Variants in MYRFL observed in about 807,000 individuals in gnomAD.
MYRFL encodes the protein myelin regulatory factor-like protein.
Under a neutral mutation model 109.4 loss-of-function variants are expected in MYRFL, and 88 were observed. The observed-to-expected ratio is 0.80, with a 90% CI of 0.68 to 0.96. The LOEUF is 0.96. Ranked by LOEUF, MYRFL falls within the 40% of genes least tolerant of loss-of-function variation. The pLI, the probability that MYRFL is intolerant of heterozygous loss-of-function variation, is 0.00. For missense variants in MYRFL, 957 were observed against 954.9 expected, an observed-to-expected ratio of 1.00 and a Z score of -0.03; for synonymous variants, 324 against 320.9, an observed-to-expected ratio of 1.01 and a Z score of -0.10.
At chr12:69,936,958 G>A (rs1031873463) in intron 19 of MYRFL, among the ~76,000 whole-genome samples, 1 of 152,144 alleles carries the variant, frequency 6.6e-6, no homozygotes, top group Non-Finnish European at 1.5e-5. Context: ...GGCTCATTTA[G>A]AGTTTAAAAA....
intron 5 of MYRFL, among the ~76,000 whole-genome samples, chr12:69,884,733 G>T (rs1346950200): frequency 6.6e-6 from 1 of 152,196 alleles, no homozygotes; most frequent in Non-Finnish European, 1.5e-5. Flanking sequence ...GTTGAAACAA[G>T]TACAGTGATA....
In MYRFL at chr12:69,825,408, T is replaced by C. The variant is rs1008165423; in HGVS notation, c.-110T>C. On this transcript the variant is annotated 5_prime_UTR_variant, in exon 1 of 25. An upstream start codon of the reference 5' UTR is lost. Coordinates refer to ENST00000552032, the MANE Select transcript of MYRFL (RefSeq NM_182530.3). ...ATGCTTCACTCCAATAAAAAGAAAA[T>C]GAAGATTTTTCAAGAGCATTCGTAG... 23 of 689,922 alleles carry C rather than the reference T, an allele frequency of 3.3e-5. No individual in the cohort carries two copies. In the African/African-American group the frequency reaches 3.9e-4, roughly 12 times the overall value. The allele number at this position is 689,922 out of a possible 1,614,324, so 42.7% of individuals were successfully genotyped here.
rs760919500 is a variant in MYRFL at position 69,880,236 on chromosome 12, C to T, written c.500C>T (p.Thr167Met). ...CCTCCAACCAAGAAGAGAAAGTGCA[C>T]GCAGGCACTGGAGGACTCCGGGGAA... The part of the protein sequence containing the change: ...SLPPTKKRKC[T>M]QALEDSGECR... Residue 167 changes from threonine to methionine, a missense_variant, in exon 5 of 25, where the codon ACG (threonine) becomes ATG (methionine). Transcript: ENST00000552032. 2.4e-5 allele frequency: 17 copies of T among 702,552 alleles called. No homozygotes were observed. Among genetic ancestry groups the T allele is most frequent in the Non-Finnish European group, 3.4e-5 (13 of 384,794 alleles). The allele number at this position is 702,552 out of a possible 1,614,324, so 43.5% of individuals were successfully genotyped here.
At chr12:69,875,912 A>C (rs1397904832) in intron 2 of MYRFL, among the ~76,000 whole-genome samples, 1 of 152,152 alleles carries the variant, frequency 6.6e-6, no homozygotes, top group African/African-American at 2.4e-5. Flanking sequence ...ATCCCTCAGA[A>C]GAGTATACTT....
chr12:69,946,226 A>G (rs894383931), intron 19 of MYRFL, among the ~76,000 whole-genome samples: 2 of 152,102 alleles, frequency 1.3e-5, no homozygotes, highest in Non-Finnish European at 2.9e-5. Context: ...AATTTGCTCC[A>G]TGGTGCCAGG....
chr12:69,914,034 C>T (rs891973649), intron 13 of MYRFL, among the ~76,000 whole-genome samples: 3 of 152,078 alleles, frequency 2.0e-5, no homozygotes, highest in Admixed American at 6.6e-5. Context: ...AGTTAATTCA[C>T]AAGAGTCTTA....
intron 22 of MYRFL, among the ~76,000 whole-genome samples, chr12:69,956,954 C>T (rs187107220): frequency 1.3e-5 from 2 of 152,004 alleles, no homozygotes; most frequent in African/African-American, 4.8e-5. Context: ...ATGCTATATC[C>T]CCTGAAGTGG....
At chr12:69,938,085 G>A (rs1419493152) in intron 19 of MYRFL, among the ~76,000 whole-genome samples, 4 of 152,142 alleles carry the variant, frequency 2.6e-5, no homozygotes, top group Admixed American at 6.5e-5. Context: ...TTGAACTTAG[G>A]AGCAGATGCA....
intron 5 of MYRFL, among the ~76,000 whole-genome samples, chr12:69,883,174 C>T (rs1454560843): frequency 6.6e-6 from 1 of 152,186 alleles, no homozygotes; most frequent in Non-Finnish European, 1.5e-5. Flanking sequence ...CTCACCTCTT[C>T]CACTTAACAG....
In MYRFL at chr12:69,957,915, C is replaced by T. The variant is rs1329541584; in HGVS notation, c.2544C>T (p.His848=). 1.0e-5 allele frequency: 16 copies of T among 1,534,640 alleles called. No homozygotes were observed. The highest frequency in any genetic ancestry group is 1.3e-5 in the Non-Finnish European group (15 of 1,145,926). ...GGGGAACCAAAGGGCTGGAAAGCCA[C>T]AGAGAAATCTCCCAGGAGATGACAC... The part of the protein sequence containing the change: ...SKRGTKGLES[H]REISQEMTQG... The change falls in exon 23 of 25, where the codon CAC becomes CAT. Residue 848 remains histidine (H), a synonymous_variant. Coordinates refer to ENST00000552032, the MANE Select transcript of MYRFL (RefSeq NM_182530.3).
intron 13 of MYRFL, among the ~76,000 whole-genome samples, chr12:69,912,560 C>T (rs1182804713): frequency 6.6e-6 from 1 of 152,136 alleles, no homozygotes. Context: ...TAGAGCATTT[C>T]TTTCTTTTTT....
intron 19 of MYRFL, among the ~76,000 whole-genome samples, chr12:69,947,803 T>A (rs1224342276): frequency 6.6e-6 from 1 of 152,154 alleles, no homozygotes; most frequent in Non-Finnish European, 1.5e-5. Context: ...TTCTTCATAG[T>A]GCATGAGTCT....
intron 1 of MYRFL, among the ~76,000 whole-genome samples, chr12:69,847,172 G>A (rs1414651404): frequency 1.3e-5 from 2 of 152,106 alleles, no homozygotes. Context: ...TAAGACAAAG[G>A]CTTAGTCAGA....
At chr12:69,896,538 A>G (rs1187825490) in intron 9 of MYRFL, among the ~76,000 whole-genome samples, 1 of 152,208 alleles carries the variant, frequency 6.6e-6, no homozygotes, top group Non-Finnish European at 1.5e-5. Context: ...TATGAAGAGG[A>G]ATTGAAATAA....
At chr12:69,951,072 C>T (rs1402046587) in intron 19 of MYRFL, among the ~76,000 whole-genome samples, 2 of 152,108 alleles carry the variant, frequency 1.3e-5, no homozygotes, top group Admixed American at 1.3e-4. Context: ...GTAATATGCC[C>T]TTCAGTATGG....
At position 69,958,344 on chromosome 12, in the gene MYRFL, TC is replaced by T. The variant is rs1956140594; in HGVS notation, c.2646+22del. The T allele has an allele frequency of 2.0e-6, 3 of 1,532,814 alleles. No individual in the cohort carries two copies. The South Asian group carries it at 3.6e-5, about 18-fold the overall frequency. The allele number at this position is 1,532,814 out of a possible 1,614,324, so 95.0% of individuals were successfully genotyped here. ...CACCGGTAAGCTTGCTTTTTCTTTT[TC>T]TTTTCAGTGAGAAAGAAATTGAGCA... On this transcript the variant is annotated intron_variant, in intron 24 of 24. Coordinates refer to ENST00000552032, the MANE Select transcript of MYRFL (RefSeq NM_182530.3).
rs141587685 is a variant in MYRFL at position 69,926,926 on chromosome 12, G to A, written c.1766+192G>A. Among the ~76,000 whole-genome samples the A allele has an allele frequency of 3.4e-5, 2 of 58,684 alleles. 1 individual carries two copies. Among genetic ancestry groups the A allele is most frequent in the Non-Finnish European group, 7.8e-5 (2 of 25,788 alleles). The allele number at this position is 58,684 out of a possible 152,430, so 38.5% of individuals were successfully genotyped here. A position where few individuals can be genotyped will look rare whatever the true frequency, so the allele number is the denominator to read the frequency against. ...GTGATAACTTTCTTAGTTTTTTTCTGTTGCTGGTTTTTTTTTTTTTTTTTT... is the reference window on the plus strand; with the variant it reads ...GTGATAACTTTCTTAGTTTTTTTCTATTGCTGGTTTTTTTTTTTTTTTTTT... On this transcript the variant is annotated intron_variant, in intron 14 of 24. Transcript: ENST00000552032.
At chr12:69,847,428 A>G (rs1271562007) in intron 1 of MYRFL, among the ~76,000 whole-genome samples, 1 of 152,180 alleles carries the variant, frequency 6.6e-6, no homozygotes, top group Non-Finnish European at 1.5e-5. Context: ...TTACTCAGAG[A>G]TGAACTTCTT....
At chr12:69,852,158 G>A (rs976797488) in intron 1 of MYRFL, among the ~76,000 whole-genome samples, 1 of 152,150 alleles carries the variant, frequency 6.6e-6, no homozygotes, top group African/African-American at 2.4e-5. Context: ...ATGGCTGCAG[G>A]AGACTATCTT....
Sources: allele counts gnomAD v4.1 joint callset (sites outside exome capture counted in the v4.1 genomes callset), GRCh38; gene constraint gnomAD v4.1.1; transcripts MANE v1.5; gene names NCBI Gene and HGNC (gene_info 2026-07-23, HGNC 2026-07-21).